Variants in PEAR1 observed in about 807,000 individuals in gnomAD.
PEAR1 encodes the protein platelet endothelial aggregation receptor 1, also known as multiple EGF-like domains protein 12.
Under a neutral mutation model 131.2 loss-of-function variants are expected in PEAR1, and 113 were observed. The observed-to-expected ratio is 0.86, with a 90% CI of 0.74 to 1.01. PEAR1 has a LOEUF of 1.01. PEAR1 is among the 50% of genes least tolerant of loss of function. The pLI is 0.00. For synonymous variants in PEAR1, 565 were observed against 523.3 expected (o/e 1.08, Z -1.09); for missense variants, 1,408 against 1,391.1 (o/e 1.01, Z -0.19).
At chr1:156,897,422 A>T (rs1649268771) in intron 1 of PEAR1, among the ~76,000 whole-genome samples, 1 of 152,246 alleles carries the variant, frequency 6.6e-6, no homozygotes, top group Non-Finnish European at 1.5e-5. Context: ...CATCAGCCTA[A>T]TCAGCCCAGC....
chr1:156,903,494 A>G (rs1342228751), intron 1 of PEAR1, among the ~76,000 whole-genome samples: 2 of 152,080 alleles, frequency 1.3e-5, no homozygotes, highest in African/African-American at 2.4e-5. Flanking sequence ...GGGGATTCAG[A>G]GATGAAACGC....
At position 156,914,032 on chromosome 1, in the gene PEAR1, A is replaced by G; in HGVS notation, c.2894A>G (p.Gln965Arg). The G allele has an allele frequency of 6.2e-7, 1 of 1,610,366 alleles. No individual in the cohort carries two copies. The highest frequency in any genetic ancestry group is 8.5e-7 in the Non-Finnish European group (1 of 1,178,452). The change falls in exon 22 of 23, where the codon CAG (glutamine) becomes CGG (arginine). Residue 965 changes from glutamine (Q) to arginine (R), a missense_variant. Gln to Arg is a conservative substitution (Grantham distance 43). Coordinates refer to ENST00000292357, the MANE Select transcript of PEAR1 (RefSeq NM_001080471.3). ...PRQPPQFWDS[Q>R]RRRQPQPQRD... is the part of the protein sequence containing the mutation. ...CAGCCTCCTCAGTTCTGGGACAGCC[A>G]GAGGCGGCGGCAACCCCAGCCACAG...
chr1:156,896,874 G>A (rs1390470488), intron 1 of PEAR1, among the ~76,000 whole-genome samples: 2 of 152,218 alleles, frequency 1.3e-5, no homozygotes, highest in Non-Finnish European at 2.9e-5. Context: ...AGGAGGGCAA[G>A]TCTGGAGCCG....
chr1:156,914,253 G>A (rs949256552), intron 22 of PEAR1, among the ~76,000 whole-genome samples, 153 bp downstream of exon 22: 3 of 152,224 alleles, frequency 2.0e-5, no homozygotes, highest in Admixed American at 2.0e-4. Context: ...GCATGACGGG[G>A]AGGCGACGTG....
chr1:156,898,555 G>T (rs1219667760), intron 1 of PEAR1, among the ~76,000 whole-genome samples: 2 of 152,220 alleles, frequency 1.3e-5, no homozygotes, highest in Non-Finnish European at 2.9e-5. Flanking sequence ...TGCTGGGGGA[G>T]CTCCCTGTGT....
rs1355970843 is a variant in PEAR1, at chr1:156,916,152, T to C, written c.*1354T>C. ...AAGAAATTGAAGGTTTTGGGACATA[T>C]ATGTGACAGCAATAGGTTAAGAAAA... On this transcript the variant is annotated 3_prime_UTR_variant, in exon 23 of 23. Transcript: ENST00000292357. 2.0e-5 allele frequency: 3 copies of C among 152,224 alleles called. No individual in the cohort carries two copies. The highest frequency in any genetic ancestry group is 1.5e-5 in the Non-Finnish European group (1 of 68,050). 9.4% of individuals were successfully genotyped at this position (152,224 alleles called of 1,614,324 possible). A position where few individuals can be genotyped will look rare whatever the true frequency, so the allele number is the denominator to read the frequency against.
At position 156,913,773 on chromosome 1, in the gene PEAR1, G is replaced by A; in HGVS notation, c.2713+13G>A. 1 of 1,613,372 alleles carries A rather than the reference G, an allele frequency of 6.2e-7. No homozygotes were observed. Among genetic ancestry groups the A allele is most frequent in the Non-Finnish European group, 8.5e-7 (1 of 1,179,568 alleles). On this transcript the variant is annotated intron_variant, in intron 21 of 22. Coordinates refer to ENST00000292357, the MANE Select transcript of PEAR1 (RefSeq NM_001080471.3). ...TTCTACAATAAAGGTATGGGCACAG[G>A]GGCAACAAGGGAGGTGGCTGAGCTG... is the stretch of plus-strand genomic sequence containing the variant.
intron 15 of PEAR1, 123 bp from the exon 16 acceptor site, chr1:156,912,124 C>T: frequency 7.9e-7 from 1 of 1,266,626 alleles, no homozygotes; most frequent in African/African-American, 1.5e-5. Context: ...AGATACTGTT[C>T]AAAGCTTTGG....
chr1:156,907,520 A>C, intron 6 of PEAR1, 90 bp from the exon 7 acceptor site: 1 of 1,526,710 alleles, frequency 6.6e-7, no homozygotes, highest in Non-Finnish European at 8.8e-7. Context: ...CTAAGTCCTG[A>C]GGTGGGGGTT....
rs772532060 is a variant in PEAR1 at position 156,908,132 on chromosome 1, C to T, written c.907C>T (p.Arg303Trp). 5.0e-6 allele frequency: 8 copies of T among 1,597,124 alleles called. No homozygotes were observed. The highest frequency in any genetic ancestry group is 3.4e-5 in the Admixed American group (2 of 59,346). The change falls in exon 9 of 23, where the codon CGG becomes TGG. Residue 303 changes from arginine (R) to tryptophan (W), a missense_variant. By Grantham distance (101) the Arg-to-Trp change is moderately radical. Coordinates refer to ENST00000292357, the MANE Select transcript of PEAR1 (RefSeq NM_001080471.3). This position sits in a 1 kb window ranked among gnomAD's most constrained non-coding sequence, Gnocchi z 4.2. ...CAPGYTGDRC[R>W]EECPVGRFGQ... ...CTCACTCAGCTAGGTGCCCAGGTGC[C>T]GGGAGGAGTGCCCGGTGGGCCGCTT...
At chr1:156,904,920 C>A in intron 3 of PEAR1, 68 bp downstream of exon 3, 1 of 1,602,020 alleles carries the variant, frequency 6.2e-7, no homozygotes, top group Non-Finnish European at 8.5e-7. Flanking sequence ...GGCCCCTGGC[C>A]CTCTGTACCT....
chr1:156,906,387 C>A lies in PEAR1; in HGVS notation c.400+19C>A. 1 of 1,612,932 alleles carries A rather than the reference C, an allele frequency of 6.2e-7. No homozygotes were observed. The highest frequency in any genetic ancestry group is 1.1e-5 in the South Asian group (1 of 91,048). On this transcript the variant is annotated intron_variant, in intron 5 of 22. Transcript: ENST00000292357. ...TCCAGTGGTGAGTGGCTACTGACCC[C>A]AGGGAGTGGCCTCTTGTGCCTTCAG...
chr1:156,910,511 G>A (rs1263596839), intron 14 of PEAR1, 107 bp from the exon 15 acceptor site: 14 of 1,554,522 alleles, frequency 9.0e-6, no homozygotes, highest in Non-Finnish European at 1.0e-5. Flanking sequence ...CCTCTGACCC[G>A]TCTTCAGACT....
rs1464167271 is a variant in PEAR1 at position 156,902,077 on chromosome 1, T to C, written c.-9-1841T>C. 6.6e-6 allele frequency: 1 copy of C among 152,200 alleles called. No homozygotes were observed. Among genetic ancestry groups the C allele is most frequent in the East Asian group, 1.9e-4 (1 of 5,186 alleles). The allele number at this position is 152,200 out of a possible 1,614,324, so 9.4% of individuals were successfully genotyped here. On this transcript the variant is annotated intron_variant, in intron 1 of 22. Coordinates refer to ENST00000292357, the MANE Select transcript of PEAR1 (RefSeq NM_001080471.3). The surrounding 1 kb of genome is among the most constrained non-coding windows in gnomAD (Gnocchi z 4.3). ...GCTGCCAGAAAGAGGCTTCTGGTCA[T>C]GGCCCTCCCGTATGCTACCCACTGC...
chr1:156,905,550 C>T (rs1650200528), intron 4 of PEAR1, 126 bp downstream of exon 4: 2 of 760,882 alleles, frequency 2.6e-6, no homozygotes, highest in South Asian at 1.9e-5. Flanking sequence ...TGGGTTCCCC[C>T]CTCCTCTCCT....
chr1:156,912,256 C>T lies in PEAR1; in HGVS notation c.1961C>T (p.Pro654Leu), dbSNP rs202159164. 444 of 1,613,106 alleles carry T rather than the reference C, an allele frequency of 2.8e-4. No homozygotes were observed. The highest frequency in any genetic ancestry group is 3.5e-4 in the Non-Finnish European group (414 of 1,179,596). ...TGPDCSQPCP[P>L]GHWGENCAQT... ...CCCATGTCTCCCGTAGCATGCCCTCCAGGACACTGGGGAGAAAACTGTGCC... is the reference window on the plus strand; with the variant it reads ...CCCATGTCTCCCGTAGCATGCCCTCTAGGACACTGGGGAGAAAACTGTGCC... The change falls in exon 16 of 23, where the codon CCA (proline) becomes CTA (leucine). Residue 654 changes from proline to leucine, a missense_variant. By Grantham distance (98) the Pro-to-Leu change is moderately conservative. Coordinates refer to ENST00000292357, the MANE Select transcript of PEAR1 (RefSeq NM_001080471.3).
intron 22 of PEAR1, 30 bp downstream of exon 22, chr1:156,914,130 A>G: frequency 6.5e-7 from 1 of 1,544,010 alleles, no homozygotes; most frequent in South Asian, 1.2e-5. Flanking sequence ...TGGCAGGAGC[A>G]GCAGAGAACT....
At position 156,912,922 on chromosome 1, in the gene PEAR1, C is replaced by T; in HGVS notation, c.2362C>T (p.His788Tyr). The change falls in exon 18 of 23, where the codon CAC (histidine) becomes TAC (tyrosine). Residue 788 changes from histidine (H) to tyrosine (Y), a missense_variant. By Grantham distance (83) the His-to-Tyr change is moderately conservative. Coordinates refer to ENST00000292357, the MANE Select transcript of PEAR1 (RefSeq NM_001080471.3). ...YRHWQKGKEH[H>Y]HLAVAYSSGR... ...GCACTGGCAAAAAGGCAAGGAGCAC[C>T]ACCACCTGGCTGTGGCTTACAGCAG... 6.2e-7 allele frequency: 1 copy of T among 1,614,256 alleles called. No homozygotes were observed. The highest frequency in any genetic ancestry group is 8.5e-7 in the Non-Finnish European group (1 of 1,180,046).
chr1:156,906,418 C>T, intron 5 of PEAR1, 50 bp downstream of exon 5: 1 of 1,596,602 alleles, frequency 6.3e-7, no homozygotes, highest in Non-Finnish European at 8.6e-7. Flanking sequence ...TTCAGGGCCA[C>T]AGGACCCTCA....
Sources: allele counts gnomAD v4.1 joint callset (sites outside exome capture counted in the v4.1 genomes callset), GRCh38; gene constraint gnomAD v4.1.1; non-coding constraint Gnocchi (gnomAD v3.1); transcripts MANE v1.5; gene names NCBI Gene and HGNC (gene_info 2026-07-23, HGNC 2026-07-21).